The following TXNRD2 variants were observed in gnomAD, a reference collection of about 807,000 sequenced individuals.
TXNRD2 encodes thioredoxin reductase 2, mitochondrial.
In TXNRD2, 67 loss-of-function variants were observed where a neutral mutation model predicts 70.8. The observed-to-expected ratio is 0.95, with a 90% CI of 0.78 to 1.16. TXNRD2 has a LOEUF of 1.16. Among genes scored for constraint, TXNRD2 ranks in the 50% most tolerant of loss-of-function variants. The pLI, the probability that TXNRD2 is intolerant of heterozygous loss-of-function variation, is 0.00. For synonymous variants in TXNRD2, 301 were observed against 295.8 expected (o/e 1.02, Z -0.18); for missense variants, 644 against 719.9 (o/e 0.89, Z 1.21).
intron 8 of TXNRD2, among the ~76,000 whole-genome samples, chr22:19,910,074 TGGGGAAG>T (rs1424063830): frequency 6.6e-6 from 1 of 152,194 alleles, no homozygotes; most frequent in Non-Finnish European, 1.5e-5. Context: ...TATTTTCTCC[TGGGGAAG>T]GCTCGAGACT....
chr22:19,911,958 G>T (rs981272721), intron 7 of TXNRD2, among the ~76,000 whole-genome samples: 1 of 152,018 alleles, frequency 6.6e-6, no homozygotes, highest in Non-Finnish European at 1.5e-5. Flanking sequence ...CGCGGCAGGG[G>T]TGGCCTACAA....
Position 19,898,676 on chromosome 22 carries a change from G to A in TXNRD2, c.682+373C>T, listed in dbSNP as rs568902154. ...ACTACAGGCATGAGCCACCGCGCCC[G>A]GCCAGGGACTTTCATCTCCCTCAGA... On this transcript the variant is annotated intron_variant, in intron 9 of 17. Coordinates refer to ENST00000400521, the MANE Select transcript of TXNRD2 (RefSeq NM_006440.5). Among the ~76,000 whole-genome samples, 44 of 152,120 alleles carry A rather than the reference G, an allele frequency of 2.9e-4. 1 individual carries two copies. The highest frequency in any genetic ancestry group is 1.8e-3 in the Admixed American group (28 of 15,284).
Position 19,923,596 on chromosome 22 carries a change from G to A in TXNRD2, c.173-3997C>T, listed in dbSNP as rs1309726778. Among the ~76,000 whole-genome samples, 3 of 152,270 alleles carry A rather than the reference G, an allele frequency of 2.0e-5. No individual in the cohort carries two copies. The East Asian group carries it at 5.8e-4, about 29-fold the overall frequency. Reference sequence around the variant, plus strand: ...GAGGTCAGGAGTTCGAGACCAGCCTGACCAACTGTAGTTTCACGACCAGTA... The same window carrying A: ...GAGGTCAGGAGTTCGAGACCAGCCTAACCAACTGTAGTTTCACGACCAGTA... On this transcript the variant is annotated intron_variant, in intron 2 of 17. Transcript: ENST00000400521.
intron 1 of TXNRD2, among the ~76,000 whole-genome samples, chr22:19,938,808 G>A (rs2871047): frequency 0.072 from 10,897 of 152,178 alleles, 822 homozygotes; most frequent in East Asian, 0.32. Flanking sequence ...GGTCCAAAAC[G>A]TGAAAAAATT....
intron 8 of TXNRD2, among the ~76,000 whole-genome samples, chr22:19,905,858 C>T (rs1035554189): frequency 1.3e-5 from 2 of 150,438 alleles, no homozygotes; most frequent in Admixed American, 6.6e-5. Flanking sequence ...TGCAGCCAGC[C>T]CAAGGAAGTA....
At chr22:19,920,004 C>T (rs376463784) in intron 2 of TXNRD2, among the ~76,000 whole-genome samples, 5 of 152,304 alleles carry the variant, frequency 3.3e-5, no homozygotes, top group Middle Eastern at 3.4e-3. Context: ...GTGGCATCCC[C>T]CAGGTAGCCA....
intron 8 of TXNRD2, among the ~76,000 whole-genome samples, chr22:19,906,204 G>C (rs957325749): frequency 1.3e-5 from 2 of 152,146 alleles, no homozygotes; most frequent in South Asian, 4.1e-4. Flanking sequence ...GCACACATGG[G>C]CATGCTCACA....
At chr22:19,930,909 C>T in intron 2 of TXNRD2, 121 bp downstream of exon 2, 4 of 879,278 alleles carry the variant, frequency 4.5e-6, no homozygotes, top group East Asian at 2.5e-5. Context: ...ACAGAGGCCA[C>T]TGGGGTGACC....
At chr22:19,922,474 T>C (rs1468785196) in intron 2 of TXNRD2, among the ~76,000 whole-genome samples, 1 of 152,186 alleles carries the variant, frequency 6.6e-6, no homozygotes, top group Non-Finnish European at 1.5e-5. Context: ...TTGAAGAAAT[T>C]AACATGTTAA....
At chr22:19,909,559 T>C (rs74700912) in intron 8 of TXNRD2, among the ~76,000 whole-genome samples, 3,965 of 17,824 alleles carry the variant, frequency 0.22, 142 homozygotes, top group South Asian at 0.35. Flanking sequence ...ACTCACACAC[T>C]ACTCACATAC....
chr22:19,929,755 G>A (rs1007843149), intron 2 of TXNRD2, among the ~76,000 whole-genome samples: 1 of 152,136 alleles, frequency 6.6e-6, no homozygotes, highest in Non-Finnish European at 1.5e-5. Flanking sequence ...GCAGACTAAC[G>A]GGGTGGAGGA....
chr22:19,915,262 G>A lies in TXNRD2; in HGVS notation c.543C>T (p.Ala181=), dbSNP rs367754522. 89 of 1,613,698 alleles carry A rather than the reference G, an allele frequency of 5.5e-5. No homozygotes were observed. Among genetic ancestry groups the A allele is most frequent in the Non-Finnish European group, 5.8e-5 (68 of 1,179,914 alleles). ...AKGGKEILLS[A]DHIIIATGGR... is the part of the protein sequence containing the mutation. The stretch of plus-strand genomic sequence containing the variant: ...CTCCAGTAGCAATGATGATGTGATC[G>A]GCTGACAGCAGAATCTGAGGAGAAA... The change falls in exon 7 of 18, where the codon GCC becomes GCT. Residue 181 remains alanine, a synonymous_variant. Coordinates refer to ENST00000400521, the MANE Select transcript of TXNRD2 (RefSeq NM_006440.5).
In TXNRD2 at chr22:19,909,575, C is replaced by CCATT. The variant is rs761210628; in HGVS notation, c.662+1801_662+1802insAATG. Among the ~76,000 whole-genome samples, 7 of 121,574 alleles carry CCATT rather than the reference C, an allele frequency of 5.8e-5. 1 individual carries two copies. Among genetic ancestry groups the CCATT allele is most frequent in the African/African-American group, 2.4e-4 (7 of 29,354 alleles). 79.8% of individuals were successfully genotyped at this position (121,574 alleles called of 152,430 possible). ...CTCACACACTACTCACATACACACACCACACACACACACCACACACACCAC... is the reference window on the plus strand; with the variant it reads ...CTCACACACTACTCACATACACACACCATTCACACACACACACCACACACACCAC... On this transcript the variant is annotated intron_variant, in intron 8 of 17. Coordinates refer to ENST00000400521, the MANE Select transcript of TXNRD2 (RefSeq NM_006440.5).
At position 19,941,720 on chromosome 22, in the gene TXNRD2, G is replaced by GCCCCGCA. The variant is rs1162449700; in HGVS notation, c.77_83dup (p.Ala30GlyfsTer14). ...TCCTACCTGCTGCGCCCCGCGCCGCGCCCCGCACCCCGCCCGCCACGGCCT... is the reference window on the plus strand; with the variant it reads ...TCCTACCTGCTGCGCCCCGCGCCGCGCCCCGCACCCCGCACCCCGCCCGCCACGGCCT... On this transcript the variant is annotated frameshift_variant, in exon 1 of 18. Transcript: ENST00000400521. LOFTEE classifies it high-confidence loss of function. 8 of 1,485,532 alleles carry GCCCCGCA rather than the reference G, an allele frequency of 5.4e-6. No individual in the cohort carries two copies. The highest frequency in any genetic ancestry group is 2.9e-5 in the African/African-American group (2 of 68,412). The allele number at this position is 1,485,532 out of a possible 1,614,324, so 92.0% of individuals were successfully genotyped here.
chr22:19,920,454 A>C (rs76011333), intron 2 of TXNRD2, among the ~76,000 whole-genome samples: 1 of 152,052 alleles, frequency 6.6e-6, no homozygotes, highest in Non-Finnish European at 1.5e-5. Flanking sequence ...GTGGTGGTGC[A>C]AGCCTGTAGC....
intron 1 of TXNRD2, among the ~76,000 whole-genome samples, chr22:19,938,403 C>T (rs1235041329): frequency 6.6e-6 from 1 of 152,204 alleles, no homozygotes; most frequent in African/African-American, 2.4e-5. Context: ...GAAAAAGCCG[C>T]TTATTGGATT....
chr22:19,900,324 C>A (rs35061565), intron 8 of TXNRD2, among the ~76,000 whole-genome samples: 32,740 of 152,040 alleles, frequency 0.22, 4,303 homozygotes, highest in African/African-American at 0.36. Flanking sequence ...ACGGTATGCA[C>A]GCACTTCCAC....
chr22:19,894,903 G>A (rs984259121), intron 11 of TXNRD2: 25 of 1,025,422 alleles, frequency 2.4e-5, no homozygotes, highest in Non-Finnish European at 3.3e-5. Context: ...CAGGAGAATC[G>A]CTTGAACCCG....
intron 11 of TXNRD2, among the ~76,000 whole-genome samples, chr22:19,890,929 C>A (rs970311925): frequency 6.6e-6 from 1 of 152,138 alleles, no homozygotes; most frequent in Non-Finnish European, 1.5e-5. Context: ...GCACCGCCAG[C>A]CCCCATCATC....
Sources: allele counts gnomAD v4.1 joint callset (sites outside exome capture counted in the v4.1 genomes callset), GRCh38; gene constraint gnomAD v4.1.1; transcripts MANE v1.5; gene names NCBI Gene and HGNC (gene_info 2026-07-23, HGNC 2026-07-21).